Variants in RUBCN observed in about 807,000 individuals in gnomAD.
RUBCN encodes rubicon autophagy regulator, also known as run domain Beclin-1-interacting and cysteine-rich domain-containing protein.
RUBCN carries 74 observed loss-of-function variants against 113.2 expected under a neutral mutation model. That is an observed-to-expected ratio of 0.65 (90% CI 0.54 to 0.79). The LOEUF (loss-of-function observed/expected upper bound fraction) is 0.79, where lower values mean the gene tolerates loss of function less well. Ranked by LOEUF, RUBCN falls within the 30% of genes least tolerant of loss-of-function variation. The pLI, the probability that RUBCN is intolerant of heterozygous loss-of-function variation, is 0.00. For missense variants in RUBCN, 1,109 were observed against 1,251.7 expected, an observed-to-expected ratio of 0.89 and a Z score of 1.72; for synonymous variants, 480 against 490.0, an observed-to-expected ratio of 0.98 and a Z score of 0.27.
At chr3:197,709,785 C>T (rs1166079018) in intron 2 of RUBCN, among the ~76,000 whole-genome samples, 1 of 152,174 alleles carries the variant, frequency 6.6e-6, no homozygotes, top group Non-Finnish European at 1.5e-5. Context: ...AAATTAAATA[C>T]ATTCCAAATA....
At chr3:197,712,464 G>A (rs956550650) in intron 2 of RUBCN, among the ~76,000 whole-genome samples, 1 of 152,180 alleles carries the variant, frequency 6.6e-6, no homozygotes, top group South Asian at 2.1e-4. Flanking sequence ...AGAATAGCTC[G>A]GTGATGACGC....
At position 197,670,285 on chromosome 3, in the gene RUBCN, C is replaced by A. The variant is rs1719663787; in HGVS notation, c.*4733G>T. On this transcript the variant is annotated 3_prime_UTR_variant, in exon 20 of 20. Coordinates refer to ENST00000296343, the MANE Select transcript of RUBCN (RefSeq NM_014687.4). Reference sequence around the variant, plus strand: ...TCATAAATTATGCTGCAGTAAACATCTTTAAACAATATTCTGTGATTCTTT... The same window carrying A: ...TCATAAATTATGCTGCAGTAAACATATTTAAACAATATTCTGTGATTCTTT... Among the ~76,000 whole-genome samples the A allele has an allele frequency of 6.6e-6, 1 of 152,178 alleles. No homozygotes were observed. Among genetic ancestry groups the A allele is most frequent in the African/African-American group, 2.4e-5 (1 of 41,450 alleles).
Position 197,669,059 on chromosome 3 carries a change from T to C in RUBCN, c.*5959A>G, listed in dbSNP as rs1719570866. 6.6e-6 allele frequency among the ~76,000 whole-genome samples: 1 copy of C among 152,230 alleles called. No homozygotes were observed. The highest frequency in any genetic ancestry group is 2.1e-4 in the South Asian group (1 of 4,834). ...TTATGATGTACATATGCTTTTTATATAGGTAAACTTCTTAATCTGGAATAA... is the reference window on the plus strand; with the variant it reads ...TTATGATGTACATATGCTTTTTATACAGGTAAACTTCTTAATCTGGAATAA... On this transcript the variant is annotated 3_prime_UTR_variant, in exon 20 of 20. Coordinates refer to ENST00000296343, the MANE Select transcript of RUBCN (RefSeq NM_014687.4).
intron 1 of RUBCN, among the ~76,000 whole-genome samples, chr3:197,746,231 A>G (rs1728740353): frequency 6.6e-6 from 1 of 152,256 alleles, no homozygotes; most frequent in South Asian, 2.1e-4. Context: ...ATGATTCCAA[A>G]GGAATGGGGT....
At chr3:197,744,940 G>A (rs1442156268) in intron 1 of RUBCN, among the ~76,000 whole-genome samples, 1 of 152,066 alleles carries the variant, frequency 6.6e-6, no homozygotes, top group East Asian at 1.9e-4. Context: ...TGTATAAACT[G>A]CATACTTTCA....
At chr3:197,713,551 C>T (rs1457136395) in intron 2 of RUBCN, among the ~76,000 whole-genome samples, 1 of 152,102 alleles carries the variant, frequency 6.6e-6, no homozygotes, top group Non-Finnish European at 1.5e-5. Context: ...CATGAGAGAA[C>T]ATAAGTTTAG....
intron 2 of RUBCN, among the ~76,000 whole-genome samples, chr3:197,710,444 T>C (rs1189489130): frequency 6.6e-6 from 1 of 151,724 alleles, no homozygotes; most frequent in Admixed American, 6.6e-5. Flanking sequence ...CTACTAAAAA[T>C]ACAAAATTAG....
chr3:197,689,524 A>T (rs1371686100), intron 11 of RUBCN, among the ~76,000 whole-genome samples: 1 of 152,154 alleles, frequency 6.6e-6, no homozygotes, highest in African/African-American at 2.4e-5. Context: ...ACATGCCCCC[A>T]CAGAGGACTG....
chr3:197,689,350 T>C (rs1340780162), intron 11 of RUBCN, among the ~76,000 whole-genome samples: 1 of 152,162 alleles, frequency 6.6e-6, no homozygotes, highest in Admixed American at 6.5e-5. Flanking sequence ...AGCTTTTTAA[T>C]TGAAAAACAT....
Position 197,705,180 on chromosome 3 carries a change from A to C in RUBCN, c.220-5T>G. ...ATCCGTCTGGCGGCGGCACGCCTGC[A>C]AAGGGAACACATACAATGAGCAAAT... On this transcript the variant is annotated splice_region_variant and splice_polypyrimidine_tract_variant and intron_variant, in intron 2 of 19. Coordinates refer to ENST00000296343, the MANE Select transcript of RUBCN (RefSeq NM_014687.4). The C allele has an allele frequency of 1.9e-6, 3 of 1,613,484 alleles. No homozygotes were observed. The highest frequency in any genetic ancestry group is 2.5e-6 in the Non-Finnish European group (3 of 1,179,420).
In RUBCN at chr3:197,671,486, G is replaced by A. The variant is rs1218408481; in HGVS notation, c.*3532C>T. On this transcript the variant is annotated 3_prime_UTR_variant, in exon 20 of 20. Transcript: ENST00000296343. ...ACAGGGAGTAGGAATGAGACGATGCGTGATGAGCTCAGTGTGCCACTTACA... is the reference window on the plus strand; with the variant it reads ...ACAGGGAGTAGGAATGAGACGATGCATGATGAGCTCAGTGTGCCACTTACA... The A allele has an allele frequency of 6.6e-6, 1 of 152,216 alleles. No homozygotes were observed. Among genetic ancestry groups the A allele is most frequent in the African/African-American group, 2.4e-5 (1 of 41,434 alleles). The allele number at this position is 152,216 out of a possible 1,614,324, so 9.4% of individuals were successfully genotyped here.
rs1051145353 is a variant in RUBCN, at chr3:197,701,042, C to T, written c.832G>A (p.Val278Ile). 1.2e-6 allele frequency: 2 copies of T among 1,613,888 alleles called. No individual in the cohort carries two copies. Among genetic ancestry groups the T allele is most frequent in the Non-Finnish European group, 1.7e-6 (2 of 1,179,904 alleles). Residue 278 changes from valine (V) to isoleucine (I), a missense_variant, in exon 7 of 20, where the codon GTT becomes ATT. This residue lies in a region of RUBCN where 736 missense variants were observed against 779.6 expected (regional missense o/e 0.94). Coordinates refer to ENST00000296343, the MANE Select transcript of RUBCN (RefSeq NM_014687.4). ...AEDQTIQAPP[V>I]SVSALARDSP... is the part of the protein sequence containing the mutation. Reference sequence around the variant, plus strand: ...TCCCTGGCTAGTGCAGAGACTGAAACTGGGGGGGCTTGGATGGTTTGATCC... The same window carrying T: ...TCCCTGGCTAGTGCAGAGACTGAAATTGGGGGGGCTTGGATGGTTTGATCC...
At chr3:197,727,219 C>CT (rs1726862664) in intron 1 of RUBCN, among the ~76,000 whole-genome samples, 1 of 152,316 alleles carries the variant, frequency 6.6e-6, no homozygotes, top group African/African-American at 2.4e-5. Context: ...GGATTACAGG[C>CT]GTGAGCCACC....
upstream of RUBCN, among the ~76,000 whole-genome samples, chr3:197,738,369 ACT>A (rs1400097456): frequency 2.0e-5 from 3 of 152,062 alleles, no homozygotes; most frequent in African/African-American, 7.3e-5. Context: ...AAAACTAATG[ACT>A]CTATATTAAA....
chr3:197,740,628 C>CTTT (rs1043768402), upstream of RUBCN, among the ~76,000 whole-genome samples: 5 of 147,284 alleles, frequency 3.4e-5, no homozygotes, highest in African/African-American at 1.2e-4. Flanking sequence ...TATTCTCTTT[C>CTTT]TTTTTTTTTT....
chr3:197,715,064 C>T (rs578069508), intron 2 of RUBCN, among the ~76,000 whole-genome samples: 1,845 of 151,970 alleles, frequency 0.012, 26 homozygotes, highest in Non-Finnish European at 0.021. Flanking sequence ...TCGAGGCAGG[C>T]GGATCATCTG....
At chr3:197,735,704 G>A (rs1002194386) in intron 1 of RUBCN, among the ~76,000 whole-genome samples, 10 of 151,950 alleles carry the variant, frequency 6.6e-5, no homozygotes, top group African/African-American at 2.2e-4. Context: ...TGATCCTCTC[G>A]CCTCAGCCTC....
At chr3:197,730,528 AC>A (rs1727295046) in intron 1 of RUBCN, among the ~76,000 whole-genome samples, 1 of 151,580 alleles carries the variant, frequency 6.6e-6, no homozygotes, top group Non-Finnish European at 1.5e-5. Flanking sequence ...TAATTTGAAC[AC>A]CCATATTTGG....
Position 197,736,638 on chromosome 3 carries a change from G to C in RUBCN, c.65+17C>G. On this transcript the variant is annotated intron_variant, in intron 1 of 19. Transcript: ENST00000296343. ...GCGCCTGTCGCTGCCCCGACTCCGC[G>C]GCGGCTCCCAGCCCACCTGCTCTCC... 2.0e-6 allele frequency: 3 copies of C among 1,532,202 alleles called. No homozygotes were observed. The highest frequency in any genetic ancestry group is 2.6e-6 in the Non-Finnish European group (3 of 1,145,944). The allele number at this position is 1,532,202 out of a possible 1,614,324, so 94.9% of individuals were successfully genotyped here.
Sources: gnomAD v4.1 joint callset for allele counts (sites outside exome capture counted in the v4.1 genomes callset) on GRCh38, gnomAD v4.1.1 for gene constraint, gnomAD v4.1.1 regional missense constraint, MANE v1.5 for transcripts, NCBI Gene and HGNC (gene_info 2026-07-23, HGNC 2026-07-21) for gene names.